The following NRXN3 variants were observed in gnomAD, a reference collection of about 807,000 sequenced individuals.
The protein encoded by NRXN3 is neurexin 3, also known as neurexin III.
A neutral mutation model predicts 137.6 loss-of-function variants in NRXN3; 32 were observed. The observed-to-expected ratio is 0.23, with a 90% CI of 0.18 to 0.31. NRXN3 has a LOEUF of 0.31. NRXN3 is among the 10% of genes least tolerant of loss of function. The pLI is 1.00. For synonymous variants in NRXN3, 798 were observed against 784.5 expected, an observed-to-expected ratio of 1.02 and a Z score of -0.29; for missense variants, 1,574 against 2,062.5, an observed-to-expected ratio of 0.76 and a Z score of 4.59.
intron 8 of NRXN3, among the ~76,000 whole-genome samples, chr14:78,719,671 G>C (rs1028430223): frequency 6.6e-6 from 1 of 152,018 alleles, no homozygotes; most frequent in Non-Finnish European, 1.5e-5. Context: ...GCAAAACCCC[G>C]TCTCTACTAA....
intron 15 of NRXN3, among the ~76,000 whole-genome samples, chr14:79,134,630 TG>T (rs1362625506): frequency 6.6e-6 from 1 of 152,224 alleles, no homozygotes; most frequent in Non-Finnish European, 1.5e-5. Flanking sequence ...ACTTGAACTC[TG>T]TGTTGCTTGT....
At chr14:79,675,988 G>A (rs1312228235) in intron 17 of NRXN3, among the ~76,000 whole-genome samples, 2 of 152,018 alleles carry the variant, frequency 1.3e-5, no homozygotes, top group Non-Finnish European at 2.9e-5. Flanking sequence ...GCATAAAGGT[G>A]CCAGTTGATG....
chr14:79,257,407 T>G, intron 15 of NRXN3, among the ~76,000 whole-genome samples: 1 of 84,906 alleles, frequency 1.2e-5, no homozygotes, highest in Non-Finnish European at 2.4e-5. Flanking sequence ...GTGGTGGTGG[T>G]GGTGGTGATG....
intron 10 of NRXN3, among the ~76,000 whole-genome samples, chr14:78,911,932 T>TA (rs931959467): frequency 6.6e-6 from 1 of 151,888 alleles, no homozygotes; most frequent in African/African-American, 2.4e-5. Context: ...GTTTTTTTTT[T>TA]ATTATACTTT....
chr14:79,472,782 A>G (rs535641997), intron 16 of NRXN3, among the ~76,000 whole-genome samples: 6 of 152,106 alleles, frequency 3.9e-5, no homozygotes, highest in Non-Finnish European at 8.8e-5. Context: ...ACCTTCATTT[A>G]TACAACAGGG....
chr14:79,152,310 A>T (rs2059870254), intron 15 of NRXN3, among the ~76,000 whole-genome samples: 1 of 152,040 alleles, frequency 6.6e-6, no homozygotes, highest in African/African-American at 2.4e-5. Context: ...CCCTTTGCAG[A>T]ATAGGTGCAT....
At chr14:78,430,610 G>A (rs2093841549) in intron 4 of NRXN3, among the ~76,000 whole-genome samples, 1 of 152,118 alleles carries the variant, frequency 6.6e-6, no homozygotes, top group African/African-American at 2.4e-5. Flanking sequence ...GACCATCAGG[G>A]ACCCACCTTA....
chr14:79,613,329 A>C (rs1433839202), intron 16 of NRXN3, among the ~76,000 whole-genome samples: 1 of 152,244 alleles, frequency 6.6e-6, no homozygotes, highest in Non-Finnish European at 1.5e-5. Context: ...TGTTACAGTG[A>C]GTACAATTTT....
At chr14:79,214,223 G>A (rs994912971) in intron 15 of NRXN3, among the ~76,000 whole-genome samples, 2 of 152,218 alleles carry the variant, frequency 1.3e-5, no homozygotes, top group African/African-American at 4.8e-5. Context: ...TGGCAGTGAG[G>A]ACAATTCTGT....
intron 15 of NRXN3, among the ~76,000 whole-genome samples, chr14:79,393,251 A>G (rs2094912547): frequency 6.6e-6 from 1 of 152,184 alleles, no homozygotes; most frequent in African/African-American, 2.4e-5. Context: ...AGAAGAACAC[A>G]GAAAGCAACA....
intron 19 of NRXN3, among the ~76,000 whole-genome samples, chr14:79,709,924 T>G (rs1162864890): frequency 6.6e-6 from 1 of 152,084 alleles, no homozygotes; most frequent in Non-Finnish European, 1.5e-5. Flanking sequence ...GGATGCTTGA[T>G]CTATTGGCAA....
intron 4 of NRXN3, among the ~76,000 whole-genome samples, chr14:78,628,343 C>T (rs142013452): frequency 0.011 from 1,660 of 152,196 alleles, 12 homozygotes; most frequent in South Asian, 0.027. Flanking sequence ...CAGGCATAAG[C>T]CAATATGGCT....
intron 20 of NRXN3, among the ~76,000 whole-genome samples, chr14:79,860,657 A>C (rs1312488275): frequency 2.0e-5 from 3 of 152,244 alleles, no homozygotes; most frequent in Non-Finnish European, 4.4e-5. Flanking sequence ...CATGTTAATA[A>C]ATTCTTAAGT....
intron 16 of NRXN3, among the ~76,000 whole-genome samples, chr14:79,594,399 T>C (rs2097841917): frequency 6.6e-6 from 1 of 152,196 alleles, no homozygotes; most frequent in Non-Finnish European, 1.5e-5. Context: ...TTTCAGATAT[T>C]TGGGGACAGA....
chr14:78,418,402 CTT>C (rs937621926), intron 4 of NRXN3, among the ~76,000 whole-genome samples: 42 of 152,252 alleles, frequency 2.8e-4, no homozygotes, highest in African/African-American at 9.4e-4. Flanking sequence ...AATAAGGAAT[CTT>C]GGAGTAAATT....
At chr14:78,835,462 G>T (rs1432250330) in intron 10 of NRXN3, among the ~76,000 whole-genome samples, 3 of 152,098 alleles carry the variant, frequency 2.0e-5, no homozygotes, top group Admixed American at 2.0e-4. Flanking sequence ...ATTATCAGAG[G>T]CTATTAGGAC....
At chr14:79,113,955 A>T (rs2053972313) in intron 15 of NRXN3, among the ~76,000 whole-genome samples, 2 of 152,222 alleles carry the variant, frequency 1.3e-5, no homozygotes, top group Admixed American at 1.3e-4. Context: ...GGGGATCACA[A>T]ATCAAGAGCC....
At chr14:79,437,046 A>G (rs1418904453) in intron 15 of NRXN3, among the ~76,000 whole-genome samples, 3 of 152,028 alleles carry the variant, frequency 2.0e-5, no homozygotes, top group Admixed American at 6.6e-5. Context: ...TCACTAATCC[A>G]TGGTGCTTAG....
At chr14:79,818,015 A>ATGT (rs1568350240) in intron 20 of NRXN3, among the ~76,000 whole-genome samples, 3 of 137,914 alleles carry the variant, frequency 2.2e-5, no homozygotes, top group Non-Finnish European at 4.6e-5. Flanking sequence ...GTCTCCCTTG[A>ATGT]TGTCACCTAT....
Sources: gnomAD v4.1 joint callset for allele counts (sites outside exome capture counted in the v4.1 genomes callset) on GRCh38, gnomAD v4.1.1 for gene constraint, MANE v1.5 for transcripts, NCBI Gene and HGNC (gene_info 2026-07-23, HGNC 2026-07-21) for gene names.